The following FBXL7 variants were observed in gnomAD, a reference collection of about 807,000 sequenced individuals.
FBXL7 encodes F-box and leucine rich repeat protein 7, also known as F-box/LRR-repeat protein 7.
A neutral mutation model predicts 38.3 loss-of-function variants in FBXL7; 12 were observed. The ratio of observed to expected loss-of-function variants is 0.31; its 90% CI spans 0.20 to 0.51. FBXL7 has a LOEUF of 0.51. Among genes scored for constraint, FBXL7 ranks in the 20% least tolerant of loss-of-function variants. FBXL7 has a pLI of 0.98. For missense variants in FBXL7, 567 were observed against 676.4 expected (o/e 0.84, Z 1.79); for synonymous variants, 297 against 300.9 (o/e 0.99, Z 0.13).
intron 1 of FBXL7, among the ~76,000 whole-genome samples, chr5:15,508,287 C>T (rs150454571): frequency 2.5e-3 from 384 of 152,248 alleles, no homozygotes; most frequent in Admixed American, 7.4e-3. Flanking sequence ...AGGTTCTACT[C>T]AATGCATGGG....
At chr5:15,768,297 C>T (rs1012060548) in intron 2 of FBXL7, among the ~76,000 whole-genome samples, 12 of 152,062 alleles carry the variant, frequency 7.9e-5, no homozygotes, top group African/African-American at 2.4e-4. Flanking sequence ...TTTGGGAGGC[C>T]GAGGCAGGTG....
intron 1 of FBXL7, among the ~76,000 whole-genome samples, chr5:15,593,835 A>G (rs559168717): frequency 2.6e-5 from 4 of 152,328 alleles, no homozygotes; most frequent in Admixed American, 2.6e-4. Flanking sequence ...AGAAAAATTC[A>G]GTGTATGTAA....
intron 2 of FBXL7, among the ~76,000 whole-genome samples, chr5:15,822,061 G>A (rs2126764913): frequency 6.6e-6 from 1 of 152,018 alleles, no homozygotes; most frequent in South Asian, 2.1e-4. Context: ...CCTAAAACAT[G>A]CAAAAGTGAG....
At chr5:15,759,030 T>C (rs1302975163) in intron 2 of FBXL7, among the ~76,000 whole-genome samples, 2 of 152,210 alleles carry the variant, frequency 1.3e-5, no homozygotes, top group African/African-American at 4.8e-5. Flanking sequence ...GCCAAGAGGT[T>C]ATTATACTTT....
In FBXL7 at chr5:15,699,234, G is replaced by C. The variant is rs531215907; in HGVS notation, c.127+83162G>C. 1.1e-4 allele frequency among the ~76,000 whole-genome samples: 17 copies of C among 152,244 alleles called. 1 individual carries two copies. In the South Asian group the frequency reaches 2.9e-3, roughly 26 times the overall value. On this transcript the variant is annotated intron_variant, in intron 2 of 3. Transcript: ENST00000504595. The stretch of plus-strand genomic sequence containing the variant: ...ACCGAAACAAAGTACCATACATTGG[G>C]TGGCTTAAAACAAAATAAATGTATT...
intron 3 of FBXL7, among the ~76,000 whole-genome samples, chr5:15,931,797 TCC>T (rs1742043987): frequency 6.6e-6 from 1 of 152,162 alleles, no homozygotes; most frequent in Admixed American, 6.6e-5. Context: ...CTGGCTTGTG[TCC>T]CTCTCCCTCC....
intron 3 of FBXL7, among the ~76,000 whole-genome samples, chr5:15,935,922 C>A (rs963486535): frequency 2.3e-4 from 35 of 152,120 alleles, no homozygotes; most frequent in Admixed American, 2.1e-3. Context: ...GACTCCTAAC[C>A]CAGTGTTCTT....
intron 1 of FBXL7, among the ~76,000 whole-genome samples, chr5:15,560,142 A>C (rs1305308344): frequency 6.6e-6 from 1 of 152,184 alleles, no homozygotes; most frequent in Non-Finnish European, 1.5e-5. Context: ...ACATGCAGTA[A>C]ACAAACTTTG....
chr5:15,502,552 A>G (rs1736525789), intron 1 of FBXL7, among the ~76,000 whole-genome samples: 1 of 152,214 alleles, frequency 6.6e-6, no homozygotes, highest in African/African-American at 2.4e-5. Flanking sequence ...AAGAGGACCA[A>G]TAGGAAGCTT....
intron 2 of FBXL7, among the ~76,000 whole-genome samples, chr5:15,627,766 G>A (rs1394542493): frequency 6.6e-6 from 1 of 152,078 alleles, no homozygotes; most frequent in Non-Finnish European, 1.5e-5. Flanking sequence ...ATCTGATATT[G>A]GAAATATTTG....
intron 1 of FBXL7, among the ~76,000 whole-genome samples, chr5:15,507,869 C>G (rs980821365): frequency 6.6e-6 from 1 of 151,828 alleles, no homozygotes; most frequent in Non-Finnish European, 1.5e-5. Context: ...GTGGTGAAAC[C>G]CGGTGTCTAC....
intron 2 of FBXL7, among the ~76,000 whole-genome samples, chr5:15,752,821 G>A (rs551384027): frequency 5.2e-4 from 79 of 152,148 alleles, no homozygotes; most frequent in Non-Finnish European, 9.0e-4. Flanking sequence ...TCTTAAATTC[G>A]TCAACCACAA....
intron 1 of FBXL7, chr5:15,602,372 G>A (rs954419893): frequency 7.3e-6 from 1 of 136,148 alleles, no homozygotes; most frequent in African/African-American, 2.5e-5. Context: ...GGTAAGGAGG[G>A]GATAGTGCTT....
intron 1 of FBXL7, among the ~76,000 whole-genome samples, chr5:15,562,977 G>A (rs1039792825): frequency 6.6e-6 from 1 of 152,100 alleles, no homozygotes. Flanking sequence ...ATACAGAGAT[G>A]GCTTTCAACA....
chr5:15,677,256 G>A (rs1020017187), intron 2 of FBXL7, among the ~76,000 whole-genome samples: 9 of 152,166 alleles, frequency 5.9e-5, no homozygotes, highest in Non-Finnish European at 1.2e-4. Context: ...GATCTCTTGA[G>A]GACAGGAGTT....
intron 2 of FBXL7, among the ~76,000 whole-genome samples, chr5:15,656,289 G>C (rs1741880428): frequency 1.3e-5 from 2 of 152,168 alleles, no homozygotes; most frequent in Admixed American, 6.5e-5. Flanking sequence ...CATGTCAGTT[G>C]CAAGATGTAT....
chr5:15,665,167 A>G (rs575881232), intron 2 of FBXL7, among the ~76,000 whole-genome samples: 21 of 152,306 alleles, frequency 1.4e-4, no homozygotes, highest in South Asian at 1.0e-3. Flanking sequence ...AGCAGTAGCT[A>G]TCATTTCTTG....
chr5:15,748,680 G>C (rs894051711), intron 2 of FBXL7, among the ~76,000 whole-genome samples: 6 of 152,186 alleles, frequency 3.9e-5, no homozygotes, highest in African/African-American at 1.4e-4. Context: ...CATGAGAACA[G>C]ACTAATACAA....
chr5:15,881,644 A>G (rs1740457542), intron 2 of FBXL7, among the ~76,000 whole-genome samples: 2 of 152,222 alleles, frequency 1.3e-5, no homozygotes, highest in Middle Eastern at 3.4e-3. Context: ...ATTCCCACCA[A>G]TAGTATGAAA....
Sources: allele counts gnomAD v4.1 joint callset (sites outside exome capture counted in the v4.1 genomes callset), GRCh38; gene constraint gnomAD v4.1.1; transcripts MANE v1.5; gene names NCBI Gene and HGNC (gene_info 2026-07-23, HGNC 2026-07-21).